The following ANGPT1 variants were observed in gnomAD, a reference collection of about 807,000 sequenced individuals.
ANGPT1 encodes the protein angiopoietin 1, also known as angiopoietin-1.
A neutral mutation model predicts 62.2 loss-of-function variants in ANGPT1; 17 were observed. That is an observed-to-expected ratio of 0.27 (90% CI 0.19 to 0.41). The LOEUF (loss-of-function observed/expected upper bound fraction) is 0.41, where lower values mean the gene tolerates loss of function less well. ANGPT1 is among the 10% of genes least tolerant of loss of function. The probability of loss-of-function intolerance (pLI) is 1.00; values close to 1 mark genes in which losing one functional copy is unlikely to be tolerated. For synonymous variants in ANGPT1, 199 were observed against 198.9 expected (o/e 1.00, Z 0.00); for missense variants, 478 against 594.9 (o/e 0.80, Z 2.04).
At chr8:107,301,744 G>A (rs549522863) in intron 5 of ANGPT1, among the ~76,000 whole-genome samples, 1 of 151,942 alleles carries the variant, frequency 6.6e-6, no homozygotes, top group African/African-American at 2.4e-5. Flanking sequence ...CCCCCTTATA[G>A]ACAACATCAA....
At chr8:107,458,158 A>G (rs73313679) in intron 1 of ANGPT1, among the ~76,000 whole-genome samples, 5,622 of 152,240 alleles carry the variant, frequency 0.037, 368 homozygotes, top group African/African-American at 0.13. Context: ...TGTTGCAGAC[A>G]TTAATTACAG....
intron 3 of ANGPT1, among the ~76,000 whole-genome samples, chr8:107,333,682 GC>G (rs1815478268): frequency 6.6e-6 from 1 of 151,962 alleles, no homozygotes; most frequent in African/African-American, 2.4e-5. Context: ...GTGCATGGAA[GC>G]CCCTTCTACC....
chr8:107,279,484 A>T (rs537777950), intron 7 of ANGPT1, among the ~76,000 whole-genome samples: 13 of 152,154 alleles, frequency 8.5e-5, no homozygotes, highest in Non-Finnish European at 1.5e-4. Context: ...TCTTTATTTG[A>T]GGATGCCCAT....
rs143275749 is a variant in ANGPT1 at position 107,453,468 on chromosome 8, A to T, written c.297+43794T>A. On this transcript the variant is annotated intron_variant, in intron 1 of 8. Transcript: ENST00000517746. ...TACATGGATGGCAGCAGGCAAAGAG[A>T]GAGCACTTATACAGGGAAACTCCCC... Among the ~76,000 whole-genome samples, 183 of 152,048 alleles carry T rather than the reference A, an allele frequency of 1.2e-3. 3 individuals carry two copies. The highest frequency in any genetic ancestry group is 0.01 in the Middle Eastern group (3 of 294).
intron 3 of ANGPT1, among the ~76,000 whole-genome samples, chr8:107,335,734 T>C (rs1315980615): frequency 6.6e-6 from 1 of 152,232 alleles, no homozygotes; most frequent in Admixed American, 6.5e-5. Flanking sequence ...TCAAAAACGC[T>C]GTAGCTTTGT....
chr8:107,294,428 G>A (rs1218745338), intron 5 of ANGPT1: 1 of 154,410 alleles, frequency 6.5e-6, no homozygotes, highest in Non-Finnish European at 1.4e-5. Flanking sequence ...ACATGACTCA[G>A]AATTTTAAAA....
chr8:107,370,628 A>T (rs1816386097), intron 1 of ANGPT1, among the ~76,000 whole-genome samples: 1 of 145,406 alleles, frequency 6.9e-6, no homozygotes, highest in Non-Finnish European at 1.5e-5. Flanking sequence ...ACTTGAACCC[A>T]GGAGGTAGAG....
intron 1 of ANGPT1, among the ~76,000 whole-genome samples, chr8:107,416,544 G>A (rs531960844): frequency 3.5e-4 from 53 of 152,134 alleles, no homozygotes; most frequent in African/African-American, 8.9e-4. Context: ...GAAGTTCTCC[G>A]TACCCTGTCC....
chr8:107,471,257 A>G (rs947861303), intron 1 of ANGPT1, among the ~76,000 whole-genome samples: 2 of 152,280 alleles, frequency 1.3e-5, no homozygotes, highest in Admixed American at 1.3e-4. Flanking sequence ...GACATGGATG[A>G]AGCTGGAAAC....
intron 1 of ANGPT1, among the ~76,000 whole-genome samples, chr8:107,447,714 G>A (rs548873744): frequency 6.6e-6 from 1 of 152,302 alleles, no homozygotes; most frequent in South Asian, 2.1e-4. Context: ...CAGTTCAGTG[G>A]CTTTCCAATG....
rs545012022 is a variant in ANGPT1 at position 107,367,130 on chromosome 8, T to C, written c.298-20033A>G. ...ATGATAAATATTTGCTATTTTAAGCTACATGAATACTTTGGAGACATTATG... is the reference window on the plus strand; with the variant it reads ...ATGATAAATATTTGCTATTTTAAGCCACATGAATACTTTGGAGACATTATG... On this transcript the variant is annotated intron_variant, in intron 1 of 8. Coordinates refer to ENST00000517746, the MANE Select transcript of ANGPT1 (RefSeq NM_001146.5). 1.3e-4 allele frequency among the ~76,000 whole-genome samples: 20 copies of C among 152,330 alleles called. No homozygotes were observed. In the South Asian group the frequency reaches 4.1e-3, roughly 32 times the overall value.
At chr8:107,330,531 T>G (rs1815396502) in intron 3 of ANGPT1, among the ~76,000 whole-genome samples, 1 of 152,174 alleles carries the variant, frequency 6.6e-6, no homozygotes, top group African/African-American at 2.4e-5. Flanking sequence ...TATAGAGAAT[T>G]GTCATTTGGT....
At chr8:107,469,432 G>T (rs551125773) in intron 1 of ANGPT1, among the ~76,000 whole-genome samples, 47 of 151,804 alleles carry the variant, frequency 3.1e-4, no homozygotes, top group South Asian at 1.0e-3. Context: ...ATGCTTGGGG[G>T]GTACACATGA....
chr8:107,366,071 GTC>G (rs1231757076), intron 1 of ANGPT1, among the ~76,000 whole-genome samples: 1 of 152,058 alleles, frequency 6.6e-6, no homozygotes, highest in Non-Finnish European at 1.5e-5. Context: ...ACTTACTGTG[GTC>G]ATAATGTTCA....
At chr8:107,442,942 A>G (rs1461965318) in intron 1 of ANGPT1, among the ~76,000 whole-genome samples, 2 of 152,164 alleles carry the variant, frequency 1.3e-5, no homozygotes, top group East Asian at 3.9e-4. Flanking sequence ...CAGTCTCCTA[A>G]TAGCAGAGAC....
chr8:107,393,690 G>A (rs1816879042), intron 1 of ANGPT1, among the ~76,000 whole-genome samples: 1 of 152,052 alleles, frequency 6.6e-6, no homozygotes. Context: ...GGCACCTGCA[G>A]TCCCAGCTAC....
intron 1 of ANGPT1, among the ~76,000 whole-genome samples, chr8:107,432,029 G>T (rs1175284964): frequency 2.6e-5 from 4 of 151,608 alleles, no homozygotes; most frequent in Non-Finnish European, 5.9e-5. Flanking sequence ...AAAAATTATT[G>T]GTACCTCTCT....
chr8:107,273,744 G>A (rs1194757713), intron 7 of ANGPT1, among the ~76,000 whole-genome samples: 1 of 151,558 alleles, frequency 6.6e-6, no homozygotes, highest in Admixed American at 6.6e-5. Context: ...CTCCTCCAAT[G>A]AACCCTATCC....
At chr8:107,414,878 ATGACATCAC>A (rs1158604006) in intron 1 of ANGPT1, among the ~76,000 whole-genome samples, 1 of 152,238 alleles carries the variant, frequency 6.6e-6, no homozygotes, top group Non-Finnish European at 1.5e-5. Flanking sequence ...AGGGAAAAGT[ATGACATCAC>A]TTTCCACAGA....
Sources: allele counts gnomAD v4.1 joint callset (sites outside exome capture counted in the v4.1 genomes callset), GRCh38; gene constraint gnomAD v4.1.1; transcripts MANE v1.5; gene names NCBI Gene and HGNC (gene_info 2026-07-23, HGNC 2026-07-21).